CHLSN: variants seen among roughly 807,000 people sequenced by gnomAD.
The protein encoded by CHLSN is protein cholesin.
At chr7:1,035,730 G>A in the CHLSN span, among the ~76,000 whole-genome samples, 6 of 152,172 alleles carry the variant, frequency 3.9e-5, no homozygotes, top group African/African-American at 1.4e-4. Flanking sequence ...GTCAGCTGGT[G>A]GTTTCTTACC....
chr7:1,135,537 C>T, the CHLSN span, among the ~76,000 whole-genome samples: 69 of 151,058 alleles, frequency 4.6e-4, no homozygotes, highest in African/African-American at 1.3e-3. Flanking sequence ...GAGGCCGAGG[C>T]GGGGAGATCA....
chr7:989,913 T>C, the CHLSN span, among the ~76,000 whole-genome samples: 18,881 of 117,664 alleles, frequency 0.16, 2,329 homozygotes, highest in East Asian at 0.28. Context: ...CTGGTGGCGG[T>C]GTGGTCGGCA....
the CHLSN span, among the ~76,000 whole-genome samples, chr7:1,051,203 A>C: frequency 6.6e-6 from 1 of 152,060 alleles, no homozygotes; most frequent in African/African-American, 2.4e-5. Flanking sequence ...CTCCCAGAAA[A>C]CGGGGCGCCA....
chr7:1,027,225 T>C, the CHLSN span, among the ~76,000 whole-genome samples: 1 of 152,264 alleles, frequency 6.6e-6, no homozygotes, highest in Non-Finnish European at 1.5e-5. Flanking sequence ...AACTCCTCAG[T>C]GAACACAACG....
chr7:979,845 G>A, the CHLSN span, among the ~76,000 whole-genome samples: 1 of 152,132 alleles, frequency 6.6e-6, no homozygotes, highest in African/African-American at 2.4e-5. Flanking sequence ...GAGGCAGGGC[G>A]CACACTTTTT....
the CHLSN span, among the ~76,000 whole-genome samples, chr7:1,121,246 C>T: frequency 1.3e-5 from 2 of 152,130 alleles, no homozygotes; most frequent in Admixed American, 1.3e-4. Flanking sequence ...CGGCAGACAA[C>T]CCGGCATGCA....
chr7:1,081,458 C>T, the CHLSN span, among the ~76,000 whole-genome samples: 2 of 152,260 alleles, frequency 1.3e-5, no homozygotes, highest in Non-Finnish European at 2.9e-5. Context: ...TAAGTACAAA[C>T]ACGGCGGGCT....
the CHLSN span, chr7:1,093,433 T>C: frequency 2.2e-6 from 1 of 463,366 alleles, no homozygotes. Context: ...CTGAGCGTCC[T>C]CCATCTTCCA....
the CHLSN span, among the ~76,000 whole-genome samples, chr7:1,136,002 T>C: frequency 2.4e-5 from 3 of 122,784 alleles, no homozygotes; most frequent in East Asian, 2.3e-4. Context: ...TATAAATATA[T>C]ATATAAAATA....
At chr7:1,040,559 T>C in the CHLSN span, among the ~76,000 whole-genome samples, 2 of 152,020 alleles carry the variant, frequency 1.3e-5, no homozygotes, top group African/African-American at 4.8e-5. Context: ...AAATAGATCA[T>C]CTATTTAAAT....
chr7:1,127,070 C>T, the CHLSN span, among the ~76,000 whole-genome samples: 1 of 152,216 alleles, frequency 6.6e-6, no homozygotes, highest in African/African-American at 2.4e-5. Context: ...GGTTCCAACT[C>T]AAAATTTACT....
the CHLSN span, chr7:1,044,638 C>G: frequency 6.6e-5 from 10 of 151,772 alleles, no homozygotes; most frequent in Non-Finnish European, 1.5e-4. Context: ...GCGACTGCGC[C>G]GGCCGCCGCC....
chr7:990,496 G>A, the CHLSN span, among the ~76,000 whole-genome samples: 7 of 151,968 alleles, frequency 4.6e-5, no homozygotes, highest in African/African-American at 1.7e-4. Context: ...GATAAGCCGT[G>A]GCACATTCCC....
the CHLSN span, among the ~76,000 whole-genome samples, chr7:1,030,854 C>T: frequency 6.6e-6 from 1 of 152,178 alleles, no homozygotes; most frequent in Non-Finnish European, 1.5e-5. Flanking sequence ...TTCCCACAGC[C>T]CACACCCCGG....
the CHLSN span, among the ~76,000 whole-genome samples, chr7:1,070,967 C>A: frequency 6.7e-6 from 1 of 150,274 alleles, no homozygotes; most frequent in African/African-American, 2.4e-5. Context: ...CAGACACGCA[C>A]ACGGGCACAT....
At chr7:1,057,367 G>A in the CHLSN span, 3 of 594,574 alleles carry the variant, frequency 5.0e-6, no homozygotes, top group Admixed American at 3.0e-5. Context: ...TGCACCAAAG[G>A]CAGCCTCGCT....
chr7:1,042,850 A>G, the CHLSN span, among the ~76,000 whole-genome samples: 1 of 152,168 alleles, frequency 6.6e-6, no homozygotes, highest in African/African-American at 2.4e-5. Context: ...AGGAGGGCCC[A>G]AAGTCCCAAA....
the CHLSN span, among the ~76,000 whole-genome samples, chr7:991,495 G>A: frequency 6.6e-6 from 1 of 152,180 alleles, no homozygotes; most frequent in African/African-American, 2.4e-5. Flanking sequence ...GGGAAGGGGG[G>A]GGCCGAGTGA....
At chr7:1,092,241 G>C in the CHLSN span, 1 of 1,612,556 alleles carries the variant, frequency 6.2e-7, no homozygotes, top group African/African-American at 1.3e-5. Flanking sequence ...TCCGCACCAA[G>C]CACCACGCCC....
Sources: allele counts gnomAD v4.1 joint callset (sites outside exome capture counted in the v4.1 genomes callset), GRCh38; gene constraint gnomAD v4.1.1; transcripts MANE v1.5; gene names NCBI Gene and HGNC (gene_info 2026-07-23, HGNC 2026-07-21).